RPS6KC1: variants seen among roughly 807,000 people sequenced by gnomAD.
The protein encoded by RPS6KC1 is ribosomal protein S6 kinase C1.
In RPS6KC1, 54 loss-of-function variants were observed where a neutral mutation model predicts 103.8. The observed-to-expected ratio is 0.52, with a 90% CI of 0.42 to 0.65. The LOEUF (loss-of-function observed/expected upper bound fraction) is 0.65, where lower values mean the gene tolerates loss of function less well. RPS6KC1 is among the 30% of genes least tolerant of loss of function. The pLI, the probability that RPS6KC1 is intolerant of heterozygous loss-of-function variation, is 0.00. For missense variants in RPS6KC1, 1,151 were observed against 1,253.8 expected, an observed-to-expected ratio of 0.92 and a Z score of 1.24; for synonymous variants, 439 against 438.7, an observed-to-expected ratio of 1.00 and a Z score of -0.01.
chr1:213,293,324 C>A, the RPS6KC1 span, among the ~76,000 whole-genome samples: 1 of 152,064 alleles, frequency 6.6e-6, no homozygotes, highest in Non-Finnish European at 1.5e-5. Flanking sequence ...GTATATATAA[C>A]CTATAATAAT....
chr1:213,461,380 G>T, the RPS6KC1 span, among the ~76,000 whole-genome samples: 1 of 152,162 alleles, frequency 6.6e-6, no homozygotes, highest in African/African-American at 2.4e-5. Context: ...TAGATTCAAT[G>T]CCATCTCCAT....
At chr1:213,192,028 A>G (rs2092767068) in intron 8 of RPS6KC1, among the ~76,000 whole-genome samples, 1 of 152,222 alleles carries the variant, frequency 6.6e-6, no homozygotes, top group Non-Finnish European at 1.5e-5. Flanking sequence ...TGCTGGGATT[A>G]CAGGTGTGAG....
chr1:213,836,646 G>T, the RPS6KC1 span, among the ~76,000 whole-genome samples: 1 of 151,826 alleles, frequency 6.6e-6, no homozygotes, highest in Non-Finnish European at 1.5e-5. Context: ...AATATATGAT[G>T]TATATAGAAA....
At chr1:213,444,142 A>C in the RPS6KC1 span, among the ~76,000 whole-genome samples, 1 of 152,124 alleles carries the variant, frequency 6.6e-6, no homozygotes, top group African/African-American at 2.4e-5. Context: ...GGCTTGTGGC[A>C]TCATAATTCC....
the RPS6KC1 span, among the ~76,000 whole-genome samples, chr1:213,855,750 T>C: frequency 6.6e-6 from 1 of 152,280 alleles, no homozygotes; most frequent in African/African-American, 2.4e-5. Context: ...GTGTAACACA[T>C]CCACGACCAG....
chr1:213,776,066 T>G, the RPS6KC1 span, among the ~76,000 whole-genome samples: 2 of 152,220 alleles, frequency 1.3e-5, no homozygotes, highest in Non-Finnish European at 2.9e-5. Context: ...TTTCTCTTGC[T>G]GTTTTCACCA....
At chr1:213,652,275 T>C in the RPS6KC1 span, among the ~76,000 whole-genome samples, 1 of 152,202 alleles carries the variant, frequency 6.6e-6, no homozygotes, top group Non-Finnish European at 1.5e-5. Context: ...ATGTTAACTT[T>C]AATCCTTTCA....
the RPS6KC1 span, among the ~76,000 whole-genome samples, chr1:213,346,787 T>C: frequency 2.6e-5 from 4 of 152,198 alleles, no homozygotes; most frequent in African/African-American, 9.6e-5. Context: ...TTATGCTTCT[T>C]TCTTATGAAA....
the RPS6KC1 span, among the ~76,000 whole-genome samples, chr1:213,643,718 T>C: frequency 6.6e-6 from 1 of 151,994 alleles, no homozygotes; most frequent in Non-Finnish European, 1.5e-5. Context: ...TTATTCTAAT[T>C]TTATTGGAAG....
chr1:213,063,989 T>C (rs1018252935), intron 1 of RPS6KC1, among the ~76,000 whole-genome samples: 3 of 152,184 alleles, frequency 2.0e-5, no homozygotes, highest in Non-Finnish European at 4.4e-5. Context: ...TTTCAAGATA[T>C]ATAGGTAGTA....
chr1:213,742,711 G>A, the RPS6KC1 span, among the ~76,000 whole-genome samples: 1 of 152,264 alleles, frequency 6.6e-6, no homozygotes, highest in Admixed American at 6.5e-5. Flanking sequence ...AACTCTATTG[G>A]AATGAGGCTC....
the RPS6KC1 span, among the ~76,000 whole-genome samples, chr1:213,619,610 C>T: frequency 6.6e-6 from 1 of 152,186 alleles, no homozygotes; most frequent in Non-Finnish European, 1.5e-5. Context: ...TTAGGAAGGT[C>T]TCAGGAGGAG....
the RPS6KC1 span, among the ~76,000 whole-genome samples, chr1:213,661,993 G>T: frequency 2.3e-4 from 35 of 152,200 alleles, no homozygotes; most frequent in African/African-American, 8.4e-4. Context: ...TATTAATGTG[G>T]CTGGAACTGG....
chr1:213,185,344 C>A (rs1048892267), intron 8 of RPS6KC1, among the ~76,000 whole-genome samples: 2 of 152,074 alleles, frequency 1.3e-5, no homozygotes, highest in African/African-American at 4.8e-5. Flanking sequence ...CCACTCTGTG[C>A]CTTTTAATTA....
At chr1:213,374,023 C>T in the RPS6KC1 span, among the ~76,000 whole-genome samples, 2 of 152,056 alleles carry the variant, frequency 1.3e-5, no homozygotes, top group African/African-American at 2.4e-5. Flanking sequence ...ATAAGAGTGG[C>T]ATGTATAAGT....
the RPS6KC1 span, among the ~76,000 whole-genome samples, chr1:213,332,914 G>T: frequency 1.3e-3 from 197 of 152,268 alleles, 2 homozygotes; most frequent in African/African-American, 4.3e-3. Context: ...ACATTACTTG[G>T]TTGGAAAGAA....
the RPS6KC1 span, among the ~76,000 whole-genome samples, chr1:213,422,155 C>T: frequency 5.3e-5 from 8 of 152,286 alleles, no homozygotes; most frequent in Admixed American, 2.0e-4. Context: ...ACTCTGTACC[C>T]GTTAAACACC....
the RPS6KC1 span, among the ~76,000 whole-genome samples, chr1:213,300,231 G>A: frequency 6.6e-6 from 1 of 152,162 alleles, no homozygotes; most frequent in African/African-American, 2.4e-5. Flanking sequence ...ATTTAGAATT[G>A]AATAAAATGA....
chr1:213,363,799 TTTCTTTCTTTCTTTC>T, the RPS6KC1 span, among the ~76,000 whole-genome samples: 1 of 103,488 alleles, frequency 9.7e-6, no homozygotes, highest in Non-Finnish European at 1.9e-5. Context: ...TCTTTCTTTC[TTTCTTTCTTTCTTTC>T]TTCTCTCTTT....
Sources: gnomAD v4.1 joint callset for allele counts (sites outside exome capture counted in the v4.1 genomes callset) on GRCh38, gnomAD v4.1.1 for gene constraint, MANE v1.5 for transcripts, NCBI Gene and HGNC (gene_info 2026-07-23, HGNC 2026-07-21) for gene names.